Variants in ZGPAT observed in about 807,000 individuals in gnomAD.
ZGPAT encodes the protein zinc finger CCCH-type with G patch domain-containing protein.
Under a neutral mutation model 47.9 loss-of-function variants are expected in ZGPAT, and 39 were observed. The observed-to-expected ratio is 0.81, with a 90% CI of 0.63 to 1.06. ZGPAT has a LOEUF of 1.06. ZGPAT is among the 50% of genes least tolerant of loss of function. ZGPAT has a pLI of 0.00. For missense variants in ZGPAT, 717 were observed against 681.4 expected (o/e 1.05, Z -0.58); for synonymous variants, 348 against 292.9 (o/e 1.19, Z -1.92).
At chr20:63,710,303 C>T (rs1462643888) in intron 2 of ZGPAT, among the ~76,000 whole-genome samples, 1 of 151,950 alleles carries the variant, frequency 6.6e-6, no homozygotes, top group Non-Finnish European at 1.5e-5. Context: ...CAGGCGCCCG[C>T]CACCACACTG....
chr20:63,726,546 G>A (rs2091848148), intron 2 of ZGPAT, among the ~76,000 whole-genome samples: 1 of 143,912 alleles, frequency 6.9e-6, no homozygotes, highest in Non-Finnish European at 1.5e-5. Flanking sequence ...TTTTTGAGAT[G>A]GAGTCTTGCT....
intron 2 of ZGPAT, among the ~76,000 whole-genome samples, chr20:63,713,978 T>G (rs1053592563): frequency 1.3e-5 from 2 of 152,022 alleles, no homozygotes; most frequent in Non-Finnish European, 2.9e-5. Flanking sequence ...TATTTAGGAT[T>G]TTCGATATAT....
intron 2 of ZGPAT, among the ~76,000 whole-genome samples, chr20:63,725,905 T>C (rs1158144433): frequency 6.6e-6 from 1 of 151,946 alleles, no homozygotes; most frequent in Non-Finnish European, 1.5e-5. Context: ...CGATTTCGGC[T>C]CACTGCAACC....
intron 2 of ZGPAT, among the ~76,000 whole-genome samples, chr20:63,714,251 C>T (rs1290068120): frequency 1.3e-5 from 2 of 151,898 alleles, no homozygotes; most frequent in Non-Finnish European, 2.9e-5. Flanking sequence ...CACGGCGAAA[C>T]CCCATCTCTA....
intron 2 of ZGPAT, among the ~76,000 whole-genome samples, chr20:63,724,320 G>A (rs1294354656): frequency 6.9e-6 from 1 of 144,342 alleles, no homozygotes; most frequent in African/African-American, 2.6e-5. Flanking sequence ...GAGCAAGATC[G>A]CACCACTGCA....
At chr20:63,711,727 C>T (rs201513210) in intron 2 of ZGPAT, among the ~76,000 whole-genome samples, 17 of 151,996 alleles carry the variant, frequency 1.1e-4, no homozygotes, top group East Asian at 5.8e-4. Context: ...GGATTACAGG[C>T]GCCTGTCACC....
chr20:63,733,069 T>C lies in ZGPAT; in HGVS notation c.585-150T>C, dbSNP rs7360285. 13 of 974,142 alleles carry C rather than the reference T, an allele frequency of 1.3e-5. No individual in the cohort carries two copies. The South Asian group carries it at 1.5e-4, about 11-fold the overall frequency. 60.3% of individuals were successfully genotyped at this position (974,142 alleles called of 1,614,324 possible). A position where few individuals can be genotyped will look rare whatever the true frequency, so the allele number is the denominator to read the frequency against. On this transcript the variant is annotated intron_variant, in intron 2 of 6. Coordinates refer to ENST00000355969, the MANE Select transcript of ZGPAT (RefSeq NM_181485.3). ...GTGTATGTGTGCGTGTGTATGTGTG[T>C]GCGTGAGTGTGTGAGAGTGTGTATG...
At chr20:63,732,112 TGA>T (rs1245614177) in intron 2 of ZGPAT, among the ~76,000 whole-genome samples, 1 of 145,584 alleles carries the variant, frequency 6.9e-6, no homozygotes, top group Non-Finnish European at 1.5e-5. Context: ...TATGCATATA[TGA>T]GTGAGTGCAC....
In ZGPAT at chr20:63,725,190, T is replaced by G. The variant is rs200328761; in HGVS notation, c.585-8029T>G. On this transcript the variant is annotated intron_variant, in intron 2 of 6. Transcript: ENST00000355969. ...TAGGAGAGATGGGGTTTCACCGTGT[T>G]AGCCAGGATGGTCTTGATCTCCTGA... is the stretch of plus-strand genomic sequence containing the variant. Among the ~76,000 whole-genome samples the G allele has an allele frequency of 4.9e-4, 74 of 152,262 alleles. No individual in the cohort carries two copies. In the East Asian group the frequency reaches 0.014, roughly 29 times the overall value.
At chr20:63,710,900 C>A (rs1272214533) in intron 2 of ZGPAT, among the ~76,000 whole-genome samples, 2 of 152,160 alleles carry the variant, frequency 1.3e-5, no homozygotes, top group African/African-American at 4.8e-5. Flanking sequence ...TATTTTTCCT[C>A]CTTTTTACTT....
At chr20:63,735,756 C>T (rs766681673) in intron 6 of ZGPAT, 25 bp from the exon 7 acceptor site, 31 of 1,574,648 alleles carry the variant, frequency 2.0e-5, no homozygotes, top group Middle Eastern at 1.8e-4. Context: ...CAGGACCCCA[C>T]GCTGACTAGT....
At position 63,733,321 on chromosome 20, in the gene ZGPAT, G is replaced by C. The variant is rs1251644183; in HGVS notation, c.687G>C (p.Gln229His). 6.2e-7 allele frequency: 1 copy of C among 1,613,080 alleles called. No homozygotes were observed. Among genetic ancestry groups the C allele is most frequent in the Non-Finnish European group, 8.5e-7 (1 of 1,179,934 alleles). ...QAGSACLAKHQDGLWHAARIT... is the reference protein window; with the variant it reads ...QAGSACLAKHHDGLWHAARIT... ...GCTCTGCGTGTCTGGCCAAGCACCAGGATGGCCTCTGGCACGCAGCACGCA... is the reference window on the plus strand; with the variant it reads ...GCTCTGCGTGTCTGGCCAAGCACCACGATGGCCTCTGGCACGCAGCACGCA... Residue 229 changes from glutamine to histidine, a missense_variant, in exon 3 of 7, where the codon CAG becomes CAC. Gln to His is a conservative substitution (Grantham distance 24). Transcript: ENST00000355969.
At position 63,732,552 on chromosome 20, in the gene ZGPAT, T is replaced by C. The variant is rs2091923944; in HGVS notation, c.585-667T>C. Among the ~76,000 whole-genome samples the C allele has an allele frequency of 2.6e-5, 4 of 152,072 alleles. No homozygotes were observed. The South Asian group carries it at 8.3e-4, about 31-fold the overall frequency. On this transcript the variant is annotated intron_variant, in intron 2 of 6. Coordinates refer to ENST00000355969, the MANE Select transcript of ZGPAT (RefSeq NM_181485.3). ...GATGGCGTGTGCGTATATCCATGTA[T>C]GACTGCATCTGTATTTGCATGAGTT...
In ZGPAT at chr20:63,733,591, G is replaced by A; in HGVS notation, c.723G>A (p.Val241=). Residue 241 remains valine (V), a synonymous_variant, in exon 4 of 7, where the codon GTG becomes GTA. Coordinates refer to ENST00000355969, the MANE Select transcript of ZGPAT (RefSeq NM_181485.3). ...GCAGCTTGTCTCTGCCCCCAGATGT[G>A]GACAACGGCTACTACACAGTCAAGT... The part of the protein sequence containing the change: ...GLWHAARITD[V]DNGYYTVKFD... 6.2e-7 allele frequency: 1 copy of A among 1,614,154 alleles called. No individual in the cohort carries two copies. The highest frequency in any genetic ancestry group is 1.1e-5 in the South Asian group (1 of 91,080).
At position 63,735,389 on chromosome 20, in the gene ZGPAT, G is replaced by A. The variant is rs756656348; in HGVS notation, c.1222G>A (p.Gly408Arg). ...TGAAAAGCTGCAAGGTCAGGCTCCT[G>A]GGGCCCTAGAAGCCGGGGCGGCCCC... ...LNEKLQGQAP[G>R]ALEAGAAPAG... Residue 408 changes from glycine to arginine, a missense_variant, in exon 6 of 7, where the codon GGG becomes AGG. By Grantham distance (125) the Gly-to-Arg change is moderately radical (BLOSUM62 -2). Transcript: ENST00000355969. The A allele has an allele frequency of 1.9e-6, 3 of 1,556,266 alleles. No homozygotes were observed. Among genetic ancestry groups the A allele is most frequent in the Non-Finnish European group, 2.6e-6 (3 of 1,154,132 alleles).
At chr20:63,718,138 C>T (rs924214156) in intron 2 of ZGPAT, among the ~76,000 whole-genome samples, 8 of 151,926 alleles carry the variant, frequency 5.3e-5, no homozygotes, top group African/African-American at 7.3e-5. Flanking sequence ...CCTACTGCCT[C>T]GGCCTCCCAA....
Position 63,736,077 on chromosome 20 carries a change from GC to G in ZGPAT, c.*161del. ...CGGGGTCCCATCTGGACACTTACTTGCCCACCTGCCAGTGTCTTGGGCATTT... is the reference window on the plus strand; with the variant it reads ...CGGGGTCCCATCTGGACACTTACTTGCCACCTGCCAGTGTCTTGGGCATTT... On this transcript the variant is annotated 3_prime_UTR_variant, in exon 7 of 7. Transcript: ENST00000355969. 1 of 1,020,426 alleles carries G rather than the reference GC, an allele frequency of 9.8e-7. No individual in the cohort carries two copies. The highest frequency in any genetic ancestry group is 1.4e-6 in the Non-Finnish European group (1 of 707,184). The allele number at this position is 1,020,426 out of a possible 1,614,324, so 63.2% of individuals were successfully genotyped here.
intron 2 of ZGPAT, among the ~76,000 whole-genome samples, chr20:63,714,160 T>A (rs1371097099): frequency 1.3e-5 from 2 of 152,062 alleles, no homozygotes; most frequent in Non-Finnish European, 2.9e-5. Flanking sequence ...GGGTGGTGGC[T>A]CACACCTGTG....
chr20:63,724,386 G>GAA (rs2091822158), intron 2 of ZGPAT, among the ~76,000 whole-genome samples: 3 of 135,526 alleles, frequency 2.2e-5, no homozygotes, highest in Non-Finnish European at 4.8e-5. Flanking sequence ...AAAAAGAAAA[G>GAA]AAAAGAAATT....
Sources: allele counts gnomAD v4.1 joint callset (sites outside exome capture counted in the v4.1 genomes callset), GRCh38; gene constraint gnomAD v4.1.1; transcripts MANE v1.5; gene names NCBI Gene and HGNC (gene_info 2026-07-23, HGNC 2026-07-21).